MOB3B: variants seen among roughly 807,000 people sequenced by gnomAD.
MOB3B encodes the protein MOB kinase activator 3B, also known as MOB kinase activator-like 2B.
A neutral mutation model predicts 18.7 loss-of-function variants in MOB3B; 7 were observed. That is an observed-to-expected ratio of 0.37 (90% CI 0.21 to 0.70). The LOEUF is 0.70. Among genes scored for constraint, MOB3B ranks in the 30% least tolerant of loss-of-function variants. The pLI is 0.52. For missense variants in MOB3B, 253 were observed against 281.3 expected, an observed-to-expected ratio of 0.90 and a Z score of 0.72; for synonymous variants, 111 against 99.9, an observed-to-expected ratio of 1.11 and a Z score of -0.66.
In MOB3B at chr9:27,359,235, AC is replaced by A; in HGVS notation, c.419del (p.Gly140ValfsTer36). On this transcript the variant is annotated frameshift_variant and splice_region_variant, in exon 3 of 4. Coordinates refer to ENST00000262244, the MANE Select transcript of MOB3B (RefSeq NM_024761.5). LOFTEE classifies it high-confidence loss of function. ...NNEEIFPTCVGVPFPKNFLQI... is the reference protein window; with the variant it reads ...NNEEIFPTCVXVPFPKNFLQI... ...GAAGGAAGTTCTTTGGGAAGGGAAC[AC>A]CTAGAGAAGAAAAAAAGAAGAAAGA... The A allele has an allele frequency of 6.2e-7, 1 of 1,613,688 alleles. No individual in the cohort carries two copies. Among genetic ancestry groups the A allele is most frequent in the African/African-American group, 1.3e-5 (1 of 74,982 alleles).
At chr9:27,524,383 T>A (rs1820394704) in intron 1 of MOB3B, 9 of 1,613,674 alleles carry the variant, frequency 5.6e-6, no homozygotes, top group Non-Finnish European at 7.6e-6. Flanking sequence ...TGGCTTGAGA[T>A]CCTTATGGGT....
intron 2 of MOB3B, among the ~76,000 whole-genome samples, chr9:27,360,412 G>A (rs920244284): frequency 1.3e-5 from 2 of 152,230 alleles, no homozygotes; most frequent in African/African-American, 4.8e-5. Flanking sequence ...GGCTGAGCCA[G>A]GGGAATTGCT....
chr9:27,524,424 T>G, intron 1 of MOB3B: 1 of 1,614,102 alleles, frequency 6.2e-7, no homozygotes, highest in Non-Finnish European at 8.5e-7. Flanking sequence ...ATCCCTGGAC[T>G]GTAACTTACT....
chr9:27,443,876 G>C (rs79240841), intron 2 of MOB3B, among the ~76,000 whole-genome samples: 2 of 152,204 alleles, frequency 1.3e-5, no homozygotes, highest in African/African-American at 4.8e-5. Flanking sequence ...TTCTCCTTGG[G>C]CTGTCAATAA....
intron 1 of MOB3B, among the ~76,000 whole-genome samples, chr9:27,491,450 T>C (rs1819817830): frequency 6.6e-6 from 1 of 152,168 alleles, no homozygotes; most frequent in Non-Finnish European, 1.5e-5. Flanking sequence ...CCATGTTGAA[T>C]TTGCCATAAT....
chr9:27,511,945 C>T (rs1405927515), intron 1 of MOB3B, among the ~76,000 whole-genome samples: 1 of 152,188 alleles, frequency 6.6e-6, no homozygotes, highest in Non-Finnish European at 1.5e-5. Context: ...GCATCCCTCG[C>T]ACTTAGCTGT....
intron 1 of MOB3B, among the ~76,000 whole-genome samples, chr9:27,485,847 A>G (rs185533512): frequency 6.6e-6 from 1 of 152,262 alleles, no homozygotes; most frequent in African/African-American, 2.4e-5. Context: ...TCCTGTATGT[A>G]TAAAACTCAC....
At chr9:27,474,732 G>C (rs1819526713) in intron 1 of MOB3B, among the ~76,000 whole-genome samples, 1 of 152,188 alleles carries the variant, frequency 6.6e-6, no homozygotes, top group Non-Finnish European at 1.5e-5. Flanking sequence ...TCAGGCAGTA[G>C]CAAATAGTCT....
chr9:27,446,957 GA>G lies in MOB3B; in HGVS notation c.418+8175del, dbSNP rs576828679. Among the ~76,000 whole-genome samples, 100 of 152,068 alleles carry G rather than the reference GA, an allele frequency of 6.6e-4. 1 individual carries two copies. Among genetic ancestry groups the G allele is most frequent in the African/African-American group, 2.2e-3 (92 of 41,476 alleles). Reference sequence around the variant, plus strand: ...TATTAAGGGGAAAATATGATTATGTGAAAGAAAATATGGACAGAATTATTCA... The same window carrying G: ...TATTAAGGGGAAAATATGATTATGTGAAGAAAATATGGACAGAATTATTCA... On this transcript the variant is annotated intron_variant, in intron 2 of 3. Transcript: ENST00000262244.
intron 1 of MOB3B, among the ~76,000 whole-genome samples, chr9:27,481,516 T>G (rs71510496): frequency 0.058 from 7,931 of 136,816 alleles, 315 homozygotes; most frequent in East Asian, 0.11. Flanking sequence ...TTTTTGTTTT[T>G]TTTGTTTTTT....
chr9:27,497,311 C>A lies in MOB3B; in HGVS notation c.-199+32244G>T, dbSNP rs77314769. ...TGAAAGCTTGTGAATGTCTTTATCA[C>A]AACATTGTTTAATATTTAAATTCAG... On this transcript the variant is annotated intron_variant, in intron 1 of 3. Coordinates refer to ENST00000262244, the MANE Select transcript of MOB3B (RefSeq NM_024761.5). Among the ~76,000 whole-genome samples, 51 of 152,206 alleles carry A rather than the reference C, an allele frequency of 3.4e-4. No homozygotes were observed. The East Asian group carries it at 8.9e-3, about 26-fold the overall frequency.
chr9:27,524,333 A>C, intron 1 of MOB3B: 1 of 1,603,852 alleles, frequency 6.2e-7, no homozygotes, highest in South Asian at 1.1e-5. Flanking sequence ...AGCTTGCAAA[A>C]AAAATGAGCA....
chr9:27,332,461 C>T (rs1431184709), intron 3 of MOB3B, among the ~76,000 whole-genome samples: 2 of 152,168 alleles, frequency 1.3e-5, no homozygotes, highest in Admixed American at 1.3e-4. Context: ...TAGGTCTGTA[C>T]TTTTGAAAAG....
At chr9:27,409,943 T>C (rs150616162) in intron 2 of MOB3B, among the ~76,000 whole-genome samples, 59 of 152,090 alleles carry the variant, frequency 3.9e-4, no homozygotes, top group African/African-American at 1.3e-3. Flanking sequence ...GGATGAAGAG[T>C]CATTATTTAA....
chr9:27,517,731 T>G (rs78213890), intron 1 of MOB3B, among the ~76,000 whole-genome samples: 3,673 of 146,380 alleles, frequency 0.025, 164 homozygotes, highest in African/African-American at 0.087. Flanking sequence ...ACTCATAAGA[T>G]AAAATACTGA....
chr9:27,462,651 G>A (rs79938708), intron 1 of MOB3B, among the ~76,000 whole-genome samples: 190 of 152,258 alleles, frequency 1.2e-3, no homozygotes, highest in African/African-American at 4.3e-3. Flanking sequence ...TTGAAACAGC[G>A]TATGTCAATC....
intron 3 of MOB3B, among the ~76,000 whole-genome samples, chr9:27,342,789 G>A (rs926534177): frequency 6.6e-6 from 1 of 151,676 alleles, no homozygotes; most frequent in Non-Finnish European, 1.5e-5. Context: ...CCAGGCTGGA[G>A]TGCAGTGGCC....
chr9:27,378,340 G>A (rs1378015580), intron 2 of MOB3B: 1 of 471,464 alleles, frequency 2.1e-6, no homozygotes, highest in Admixed American at 2.3e-5. Flanking sequence ...GGGTAAAAAG[G>A]GACACATATT....
intron 2 of MOB3B, among the ~76,000 whole-genome samples, chr9:27,372,240 A>G (rs1177626628): frequency 6.6e-6 from 1 of 152,228 alleles, no homozygotes; most frequent in Non-Finnish European, 1.5e-5. Context: ...AACCTGAAAG[A>G]GCTCCGGAAT....
Sources: gnomAD v4.1 joint callset for allele counts (sites outside exome capture counted in the v4.1 genomes callset) on GRCh38, gnomAD v4.1.1 for gene constraint, MANE v1.5 for transcripts, NCBI Gene and HGNC (gene_info 2026-07-23, HGNC 2026-07-21) for gene names.